The following DPPA3 variants were observed in gnomAD, a reference collection of about 807,000 sequenced individuals.
The protein encoded by DPPA3 is developmental pluripotency associated 3, also known as developmental pluripotency-associated protein 3.
In DPPA3, 9 loss-of-function variants were observed where a neutral mutation model predicts 15.6. That is an observed-to-expected ratio of 0.58 (90% CI 0.35 to 1.01). DPPA3 has a LOEUF of 1.01. Among genes scored for constraint, DPPA3 ranks in the 50% least tolerant of loss-of-function variants. The probability of loss-of-function intolerance (pLI) is 0.02; values close to 1 mark genes in which losing one functional copy is unlikely to be tolerated. For synonymous variants in DPPA3, 61 were observed against 70.9 expected, an observed-to-expected ratio of 0.86 and a Z score of 0.70; for missense variants, 148 against 194.6, an observed-to-expected ratio of 0.76 and a Z score of 1.42.
In DPPA3 at chr12:7,716,350, G is replaced by A. The variant is rs1162160399; in HGVS notation, c.369+111G>A. The A allele has an allele frequency of 8.3e-6, 7 of 842,188 alleles. No individual in the cohort carries two copies. The Middle Eastern group carries it at 1.1e-3, about 130-fold the overall frequency. 52.2% of individuals were successfully genotyped at this position (842,188 alleles called of 1,614,324 possible). ...GAATAGGGAATTAGGGAATTTGCTT[G>A]GACTTTCTGAATCCCCAGGGACTCT... On this transcript the variant is annotated intron_variant, in intron 3 of 3. Transcript: ENST00000345088.
chr12:7,716,100 C>A, intron 2 of DPPA3, 98 bp from the exon 3 acceptor site: 1 of 1,090,984 alleles, frequency 9.2e-7, no homozygotes. Context: ...AAGACCCTGT[C>A]TCAACAAATT....
intron 1 of DPPA3, among the ~76,000 whole-genome samples, chr12:7,711,920 CTTTT>C (rs71038727): frequency 7.8e-6 from 1 of 127,990 alleles, no homozygotes; most frequent in Non-Finnish European, 1.6e-5. Context: ...CTTTTTTTTT[CTTTT>C]TTTTTTTTTG....
At chr12:7,712,997 C>T (rs1257102226) in intron 1 of DPPA3, among the ~76,000 whole-genome samples, 2 of 152,230 alleles carry the variant, frequency 1.3e-5, no homozygotes, top group Non-Finnish European at 2.9e-5. Flanking sequence ...AGTAGCAGGA[C>T]CTCCACCGGA....
At chr12:7,711,753 G>A (rs1384285980) in intron 1 of DPPA3, 101 bp downstream of exon 1, 14 of 792,518 alleles carry the variant, frequency 1.8e-5, no homozygotes, top group Non-Finnish European at 2.4e-5. Context: ...TTTTTTTAAT[G>A]TTGACTTCAG....
rs866774862 is a variant in DPPA3 at position 7,717,084 on chromosome 12, T to C, written c.*7T>C. The C allele has an allele frequency of 1.1e-5, 17 of 1,585,298 alleles. No homozygotes were observed. In the Middle Eastern group the frequency reaches 5.0e-4, roughly 47 times the overall value. On this transcript the variant is annotated 3_prime_UTR_variant, in exon 4 of 4. Coordinates refer to ENST00000345088, the MANE Select transcript of DPPA3 (RefSeq NM_199286.4). The stretch of plus-strand genomic sequence containing the variant: ...CAAGCCACTTCAGCCATAAATCTTA[T>C]TCTTGCACCTTTTTTTCTTGGTAGT...
chr12:7,716,085 A>G, intron 2 of DPPA3, 113 bp from the exon 3 acceptor site: 1 of 936,840 alleles, frequency 1.1e-6, no homozygotes, highest in Non-Finnish European at 1.6e-6. Flanking sequence ...CCTGGGCAAC[A>G]GAGAAAGACC....
chr12:7,712,866 G>T (rs1377130175), intron 1 of DPPA3, among the ~76,000 whole-genome samples: 1 of 152,212 alleles, frequency 6.6e-6, no homozygotes, highest in Non-Finnish European at 1.5e-5. Flanking sequence ...GCGCCACCGA[G>T]TCCGGGCTCT....
intron 1 of DPPA3, among the ~76,000 whole-genome samples, chr12:7,712,136 T>C (rs1336433014): frequency 6.9e-6 from 1 of 145,982 alleles, no homozygotes; most frequent in Non-Finnish European, 1.5e-5. Context: ...AGGGTGGTCT[T>C]GATCTCCTTA....
intron 1 of DPPA3, among the ~76,000 whole-genome samples, chr12:7,712,284 T>C (rs1864354149): frequency 6.6e-6 from 1 of 151,226 alleles, no homozygotes; most frequent in African/African-American, 2.4e-5. Context: ...GCTCGTAGCG[T>C]CGTTGCATCA....
chr12:7,715,036 A>ACT (rs1271557796), intron 1 of DPPA3, 147 bp from the exon 2 acceptor site: 2 of 1,247,002 alleles, frequency 1.6e-6, no homozygotes, highest in Non-Finnish European at 2.2e-6. Context: ...TTGAGAAAAG[A>ACT]CTAGAGGTTG....
At chr12:7,716,509 A>T (rs1455182517) in intron 3 of DPPA3, among the ~76,000 whole-genome samples, 4 of 152,144 alleles carry the variant, frequency 2.6e-5, no homozygotes, top group Admixed American at 6.5e-5. Context: ...ACACACCAGA[A>T]TTGCACACTT....
rs367876022 is a variant in DPPA3 at position 7,716,248 on chromosome 12, A to G, written c.369+9A>G. The G allele has an allele frequency of 1.9e-6, 3 of 1,558,764 alleles. No individual in the cohort carries two copies. Among genetic ancestry groups the G allele is most frequent in the South Asian group, 1.2e-5 (1 of 81,008 alleles). ...AGCCTAAGGGAGTTAAGGTAAGTATAATTTTTTTCTTTTTATTTTCCTTTT... is the reference window on the plus strand; with the variant it reads ...AGCCTAAGGGAGTTAAGGTAAGTATGATTTTTTTCTTTTTATTTTCCTTTT... On this transcript the variant is annotated intron_variant, in intron 3 of 3. Transcript: ENST00000345088.
chr12:7,714,224 C>T (rs1592081188), intron 1 of DPPA3, among the ~76,000 whole-genome samples: 1 of 152,060 alleles, frequency 6.6e-6, no homozygotes, highest in Middle Eastern at 3.4e-3. Context: ...AGCGAGACTC[C>T]GTCTTAATAA....
chr12:7,715,355 A>C lies in DPPA3; in HGVS notation c.255A>C (p.Val85=), dbSNP rs1476624233. The change falls in exon 2 of 4, where the codon GTA becomes GTC. Residue 85 remains valine, a synonymous_variant. Coordinates refer to ENST00000345088, the MANE Select transcript of DPPA3 (RefSeq NM_199286.4). ...AGTGGCTTTACAGCAGGAGAGGAGTAAGAACATTGCTGTCTGTGCAGAGAG... is the reference window on the plus strand; with the variant it reads ...AGTGGCTTTACAGCAGGAGAGGAGTCAGAACATTGCTGTCTGTGCAGAGAG... The part of the protein sequence containing the change: ...EDEWLYSRRG[V]RTLLSVQREK... 2 of 1,614,158 alleles carry C rather than the reference A, an allele frequency of 1.2e-6. No individual in the cohort carries two copies. Among genetic ancestry groups the C allele is most frequent in the Admixed American group, 3.3e-5 (2 of 60,000 alleles).
chr12:7,711,721 T>G, intron 1 of DPPA3, 69 bp downstream of exon 1: 10 of 9,382 alleles, frequency 1.1e-3, no homozygotes, highest in South Asian at 8.1e-3. Context: ...GGCTGCCGTC[T>G]TTTTTTTTTT....
At chr12:7,716,942 A>T in intron 3 of DPPA3, 25 bp from the exon 4 acceptor site, 1 of 1,567,342 alleles carries the variant, frequency 6.4e-7, no homozygotes, top group Non-Finnish European at 8.8e-7. Flanking sequence ...TATTCCAATT[A>T]ATCCATTTCA....
intron 1 of DPPA3, 81 bp from the exon 2 acceptor site, chr12:7,715,102 C>G (rs1864382948): frequency 8.8e-6 from 14 of 1,592,342 alleles, no homozygotes; most frequent in African/African-American, 1.3e-5. Context: ...GCGCCCTGTT[C>G]CCCTGCTTAA....
intron 1 of DPPA3, 40 bp downstream of exon 1, chr12:7,711,692 G>T (rs200760170): frequency 1.4e-6 from 2 of 1,396,130 alleles, no homozygotes; most frequent in East Asian, 2.6e-5. Context: ...CTGACTATAG[G>T]GGGGTTGGGA....
intron 2 of DPPA3, 111 bp downstream of exon 2, chr12:7,715,538 G>A (rs921445217): frequency 6.7e-5 from 102 of 1,531,114 alleles, no homozygotes; most frequent in Non-Finnish European, 8.5e-5. Context: ...GCTGAGGCCT[G>A]TAATCTGAGC....
Sources: gnomAD v4.1 joint callset for allele counts (sites outside exome capture counted in the v4.1 genomes callset) on GRCh38, gnomAD v4.1.1 for gene constraint, MANE v1.5 for transcripts, NCBI Gene and HGNC (gene_info 2026-07-23, HGNC 2026-07-21) for gene names.